ENTREP2: variants seen among roughly 807,000 people sequenced by gnomAD.
ENTREP2 encodes the protein endosomal transmembrane epsin interactor 2.
At chr15:29,335,811 T>A in the ENTREP2 span, among the ~76,000 whole-genome samples, 1 of 152,192 alleles carries the variant, frequency 6.6e-6, no homozygotes, top group Admixed American at 6.5e-5. Flanking sequence ...TGTACAGACT[T>A]CAAAGGAAAA....
chr15:29,243,400 G>C, the ENTREP2 span, among the ~76,000 whole-genome samples: 1 of 152,104 alleles, frequency 6.6e-6, no homozygotes, highest in South Asian at 2.1e-4. Context: ...CAATCTGAGC[G>C]ATGATTAGGT....
chr15:29,472,428 AACACACACACAC>A, the ENTREP2 span, among the ~76,000 whole-genome samples: 678 of 140,704 alleles, frequency 4.8e-3, 1 homozygote, highest in Middle Eastern at 7.3e-3. Context: ...CACAACACAC[AACACACACACAC>A]ACACACACAC....
chr15:29,672,773 G>A, the ENTREP2 span, among the ~76,000 whole-genome samples: 1 of 152,086 alleles, frequency 6.6e-6, no homozygotes, highest in Admixed American at 6.5e-5. Flanking sequence ...GGGTTGGGGG[G>A]GTTGGAAAAT....
chr15:29,619,690 G>A, the ENTREP2 span, among the ~76,000 whole-genome samples: 1 of 152,094 alleles, frequency 6.6e-6, no homozygotes, highest in Non-Finnish European at 1.5e-5. Context: ...AGAGGTCGGT[G>A]CTCTTGGAGC....
At chr15:29,318,970 TAC>T in the ENTREP2 span, among the ~76,000 whole-genome samples, 3 of 152,210 alleles carry the variant, frequency 2.0e-5, no homozygotes, top group African/African-American at 7.2e-5. Flanking sequence ...CCAATTTGTT[TAC>T]AGTCATATGT....
chr15:29,546,915 AC>A, the ENTREP2 span, among the ~76,000 whole-genome samples: 1 of 145,810 alleles, frequency 6.9e-6, no homozygotes, highest in African/African-American at 2.6e-5. Flanking sequence ...AAAAAAAAAA[AC>A]GGATACAATT....
At chr15:29,355,906 T>C in the ENTREP2 span, among the ~76,000 whole-genome samples, 1 of 152,146 alleles carries the variant, frequency 6.6e-6, no homozygotes, top group Non-Finnish European at 1.5e-5. Flanking sequence ...CTGAGTTCCC[T>C]ATGTAAAATT....
the ENTREP2 span, among the ~76,000 whole-genome samples, chr15:29,552,851 GA>G: frequency 6.6e-6 from 1 of 152,116 alleles, no homozygotes; most frequent in Non-Finnish European, 1.5e-5. Flanking sequence ...GAAAACAGCT[GA>G]AAAGACCCCA....
the ENTREP2 span, among the ~76,000 whole-genome samples, chr15:29,279,418 G>A: frequency 6.6e-6 from 1 of 151,294 alleles, no homozygotes; most frequent in Non-Finnish European, 1.5e-5. Flanking sequence ...AGGCTGGTGT[G>A]CAGTGGTGCA....
the ENTREP2 span, among the ~76,000 whole-genome samples, chr15:29,209,319 T>A: frequency 6.6e-6 from 1 of 152,058 alleles, no homozygotes; most frequent in Non-Finnish European, 1.5e-5. Flanking sequence ...CTGGCTAACA[T>A]CGTGAAACCC....
At chr15:29,423,583 C>G in the ENTREP2 span, among the ~76,000 whole-genome samples, 4 of 150,138 alleles carry the variant, frequency 2.7e-5, no homozygotes, top group South Asian at 8.4e-4. Context: ...GTCAGGAGAT[C>G]GAGACCATCC....
chr15:29,271,828 T>A, the ENTREP2 span, among the ~76,000 whole-genome samples: 1 of 152,166 alleles, frequency 6.6e-6, no homozygotes, highest in Non-Finnish European at 1.5e-5. Context: ...TGCAACTCGG[T>A]GTCTGAGAGA....
the ENTREP2 span, among the ~76,000 whole-genome samples, chr15:29,250,057 C>G: frequency 6.6e-6 from 1 of 152,138 alleles, no homozygotes; most frequent in Non-Finnish European, 1.5e-5. Context: ...CAGCAGTCTC[C>G]ACCTCCAACG....
the ENTREP2 span, among the ~76,000 whole-genome samples, chr15:29,280,991 G>A: frequency 2.0e-5 from 3 of 152,034 alleles, no homozygotes; most frequent in African/African-American, 7.2e-5. Flanking sequence ...AAATGTACCC[G>A]TGAAATTTTC....
the ENTREP2 span, among the ~76,000 whole-genome samples, chr15:29,587,021 T>C: frequency 6.6e-6 from 1 of 151,932 alleles, no homozygotes; most frequent in Admixed American, 6.6e-5. Context: ...ATTCTCGAGG[T>C]AGAGGAAAGG....
At chr15:29,461,602 C>T in the ENTREP2 span, among the ~76,000 whole-genome samples, 1 of 152,022 alleles carries the variant, frequency 6.6e-6, no homozygotes, top group Non-Finnish European at 1.5e-5. Context: ...CTTACTCAGC[C>T]TCTCGAGTAG....
At chr15:29,397,082 C>T in the ENTREP2 span, among the ~76,000 whole-genome samples, 1 of 152,086 alleles carries the variant, frequency 6.6e-6, no homozygotes, top group Non-Finnish European at 1.5e-5. Flanking sequence ...AAGGCAACTG[C>T]TCCTCAAAAA....
At chr15:29,398,125 C>A in the ENTREP2 span, among the ~76,000 whole-genome samples, 2 of 149,426 alleles carry the variant, frequency 1.3e-5, no homozygotes, top group Non-Finnish European at 3.0e-5. Context: ...ACATGAAAGA[C>A]AGAGACTCAA....
the ENTREP2 span, among the ~76,000 whole-genome samples, chr15:29,470,913 G>C: frequency 6.6e-6 from 1 of 152,198 alleles, no homozygotes; most frequent in Non-Finnish European, 1.5e-5. Context: ...GTCATGCCTT[G>C]TTTCACATTA....
Sources: allele counts gnomAD v4.1 joint callset (sites outside exome capture counted in the v4.1 genomes callset), GRCh38; gene constraint gnomAD v4.1.1; transcripts MANE v1.5; gene names NCBI Gene and HGNC (gene_info 2026-07-23, HGNC 2026-07-21).